The following PFKFB2 variants were observed in gnomAD, a reference collection of about 807,000 sequenced individuals.
The protein encoded by PFKFB2 is 6-phosphofructo-2-kinase/fructose-2,6-biphosphatase 2, also known as 6-phosphofructo-2-kinase/fructose-2,6-bisphosphatase 2.
A neutral mutation model predicts 68.0 loss-of-function variants in PFKFB2; 53 were observed. The ratio of observed to expected loss-of-function variants is 0.78; its 90% CI spans 0.63 to 0.98. The LOEUF (loss-of-function observed/expected upper bound fraction) is 0.98. Ranked by LOEUF, PFKFB2 falls within the 50% of genes least tolerant of loss-of-function variation. PFKFB2 has a pLI of 0.00. For missense variants in PFKFB2, 451 were observed against 642.0 expected, an observed-to-expected ratio of 0.70 and a Z score of 3.22; for synonymous variants, 222 against 227.6, an observed-to-expected ratio of 0.98 and a Z score of 0.22.
chr1:207,066,476 C>T (rs1019774088), intron 8 of PFKFB2, among the ~76,000 whole-genome samples: 7 of 152,194 alleles, frequency 4.6e-5, no homozygotes, highest in African/African-American at 1.7e-4. Flanking sequence ...AAAACCACCT[C>T]TAGATATGGC....
At chr1:207,061,165 T>TTATATATATATATATATA (rs201702529) in intron 2 of PFKFB2, among the ~76,000 whole-genome samples, 91 of 45,106 alleles carry the variant, frequency 2.0e-3, no homozygotes, top group Middle Eastern at 0.015. Context: ...ATATATATCT[T>TTATATATATATATATATA]TATATATATA....
At position 207,070,690 on chromosome 1, in the gene PFKFB2, C is replaced by T. The variant is rs1683439787; in HGVS notation, c.1222+281C>T. On this transcript the variant is annotated intron_variant, in intron 12 of 14. Coordinates refer to ENST00000367080, the MANE Select transcript of PFKFB2 (RefSeq NM_006212.2). This position sits in a 1 kb window ranked among gnomAD's most constrained non-coding sequence, Gnocchi z 4.2. ...GCTGACACTCCTGGCAGCATCAGGA[C>T]AGTGGTTGAATATTCCCAGCCTGCC... 2.7e-6 allele frequency: 1 copy of T among 376,690 alleles called. No individual in the cohort carries two copies. Among genetic ancestry groups the T allele is most frequent in the African/African-American group, 2.1e-5 (1 of 47,252 alleles). 23.3% of individuals were successfully genotyped at this position (376,690 alleles called of 1,614,324 possible).
chr1:207,070,898 T>G lies in PFKFB2; in HGVS notation c.1223-290T>G. ...GCTTGGAAGCTGTTGTGGTCAGACCTTATTGGCCTTTGCTGTACCCAGGTG... is the reference window on the plus strand; with the variant it reads ...GCTTGGAAGCTGTTGTGGTCAGACCGTATTGGCCTTTGCTGTACCCAGGTG... On this transcript the variant is annotated intron_variant, in intron 12 of 14. Coordinates refer to ENST00000367080, the MANE Select transcript of PFKFB2 (RefSeq NM_006212.2). The surrounding 1 kb of genome is among the most constrained non-coding windows in gnomAD (Gnocchi z 4.2). The G allele has an allele frequency of 5.4e-6, 2 of 367,626 alleles. No homozygotes were observed. Among genetic ancestry groups the G allele is most frequent in the Non-Finnish European group, 5.0e-6 (1 of 198,846 alleles). 22.8% of individuals were successfully genotyped at this position (367,626 alleles called of 1,614,324 possible). A position where few individuals can be genotyped will look rare whatever the true frequency, so the allele number is the denominator to read the frequency against.
At chr1:207,078,950 G>A (rs200666435), downstream of PFKFB2, 10 of 1,611,276 alleles carry the variant, frequency 6.2e-6, no homozygotes, top group Admixed American at 6.7e-5. Context: ...TCTCTGGCTC[G>A]TAGGCAGCAG....
intron 2 of PFKFB2, among the ~76,000 whole-genome samples, chr1:207,061,173 AT>A (rs1683100478): frequency 1.6e-5 from 1 of 64,136 alleles, no homozygotes; most frequent in Non-Finnish European, 2.9e-5. Flanking sequence ...CTTTATATAT[AT>A]ATATATATAT....
In PFKFB2 at chr1:207,062,609, G is replaced by A. The variant is rs2075863; in HGVS notation, c.212-11G>A. The stretch of plus-strand genomic sequence containing the variant: ...TATTTTGCTGCTGAAGGATTTGGGT[G>A]TCTTCTACAGTGTTTAATCTTGGGG... On this transcript the variant is annotated splice_polypyrimidine_tract_variant and intron_variant, in intron 3 of 14. Transcript: ENST00000367080. The A allele has an allele frequency of 0.38, 616,070 of 1,609,098 alleles. 122,757 individuals carry two copies. Among genetic ancestry groups the A allele is most frequent in the Middle Eastern group, 0.45 (2,726 of 6,032 alleles).
chr1:207,037,011 GT>G (rs1392095754), intron 1 of PFKFB2, among the ~76,000 whole-genome samples: 7 of 152,128 alleles, frequency 4.6e-5, no homozygotes, highest in Non-Finnish European at 1.0e-4. Context: ...TTTTACTGAA[GT>G]TTTGGGAGAG....
At position 207,076,653 on chromosome 1, in the gene PFKFB2, G is replaced by C. The variant is rs772932507; in HGVS notation, c.*4282G>C. ...GACTGACTGACAGACAGACTTTAGTGTCTGTGTGCTGACTGACAGACTCTA... is the reference window on the plus strand; with the variant it reads ...GACTGACTGACAGACAGACTTTAGTCTCTGTGTGCTGACTGACAGACTCTA... On this transcript the variant is annotated 3_prime_UTR_variant, in exon 15 of 15. Coordinates refer to ENST00000367080, the MANE Select transcript of PFKFB2 (RefSeq NM_006212.2). The C allele has an allele frequency of 1.3e-4, 126 of 983,324 alleles. No individual in the cohort carries two copies. In the Middle Eastern group the frequency reaches 6.3e-3, roughly 49 times the overall value. 60.9% of individuals were successfully genotyped at this position (983,324 alleles called of 1,614,324 possible).
At chr1:207,052,116 G>C (rs140542364), upstream of PFKFB2, 11,846 of 1,413,238 alleles carry the variant, frequency 8.4e-3, 70 homozygotes, top group Non-Finnish European at 9.6e-3. Flanking sequence ...CCAAGAGTGG[G>C]TTTATCAAGC....
chr1:207,063,566 G>A lies in PFKFB2; in HGVS notation c.450+145G>A. ...CAGAGCATTCCCCCAGTCCTTGAGTGTTTTCATTCAGGTCCTTTCTCAGAC... is the reference window on the plus strand; with the variant it reads ...CAGAGCATTCCCCCAGTCCTTGAGTATTTTCATTCAGGTCCTTTCTCAGAC... On this transcript the variant is annotated intron_variant, in intron 6 of 14. Transcript: ENST00000367080. The surrounding 1 kb of genome is among the most constrained non-coding windows in gnomAD (Gnocchi z 4.1). The A allele has an allele frequency of 2.6e-6, 2 of 755,646 alleles. No homozygotes were observed. Among genetic ancestry groups the A allele is most frequent in the Non-Finnish European group, 4.7e-6 (2 of 427,574 alleles). The allele number at this position is 755,646 out of a possible 1,614,324, so 46.8% of individuals were successfully genotyped here.
chr1:207,070,190 A>C lies in PFKFB2; in HGVS notation c.1093-90A>C. 1 of 1,484,762 alleles carries C rather than the reference A, an allele frequency of 6.7e-7. No homozygotes were observed. The highest frequency in any genetic ancestry group is 9.2e-7 in the Non-Finnish European group (1 of 1,086,040). The allele number at this position is 1,484,762 out of a possible 1,614,324, so 92.0% of individuals were successfully genotyped here. On this transcript the variant is annotated intron_variant, in intron 11 of 14. Transcript: ENST00000367080. The surrounding 1 kb of genome is among the most constrained non-coding windows in gnomAD (Gnocchi z 4.2). ...GGAGGAAAGCCAGCTGAGGAAGAAG[A>C]AGTGGCCCTTAGTCTCCAAGGTCCA...
rs1399820229 is a variant in PFKFB2, at chr1:207,070,937, G to C, written c.1223-251G>C. On this transcript the variant is annotated intron_variant, in intron 12 of 14. Transcript: ENST00000367080. The surrounding 1 kb of genome is among the most constrained non-coding windows in gnomAD (Gnocchi z 4.2). Reference sequence around the variant, plus strand: ...TGTACCCAGGTGACCCCCTTCCATTGGGCTCTCTGGCTACAATACTTCCTG... The same window carrying C: ...TGTACCCAGGTGACCCCCTTCCATTCGGCTCTCTGGCTACAATACTTCCTG... Among the ~76,000 whole-genome samples, 4 of 152,090 alleles carry C rather than the reference G, an allele frequency of 2.6e-5. No individual in the cohort carries two copies. The highest frequency in any genetic ancestry group is 4.8e-5 in the African/African-American group (2 of 41,404).
rs776799568 is a variant in PFKFB2 at position 207,075,064 on chromosome 1, C to A, written c.*2693C>A. 1.0e-5 allele frequency: 10 copies of A among 985,262 alleles called. No homozygotes were observed. Among genetic ancestry groups the A allele is most frequent in the Non-Finnish European group, 1.2e-5 (10 of 829,908 alleles). 61.0% of individuals were successfully genotyped at this position (985,262 alleles called of 1,614,324 possible). Reference sequence around the variant, plus strand: ...TGCTGTGAGGTAAGAGTAATTCAGACCTAATGAATGAGAAGAGGGAGCACT... The same window carrying A: ...TGCTGTGAGGTAAGAGTAATTCAGAACTAATGAATGAGAAGAGGGAGCACT... On this transcript the variant is annotated 3_prime_UTR_variant, in exon 15 of 15. Transcript: ENST00000367080.
intron 4 of PFKFB2, among the ~76,000 whole-genome samples, 170 bp from the exon 5 acceptor site, chr1:207,062,973 G>C (rs958456673): frequency 6.6e-6 from 1 of 152,198 alleles, no homozygotes; most frequent in Non-Finnish European, 1.5e-5. Context: ...GGGGTTATAG[G>C]ATGGTGTGAA....
At chr1:207,055,544 AT>A (rs1464714247) in intron 2 of PFKFB2, among the ~76,000 whole-genome samples, 2 of 151,716 alleles carry the variant, frequency 1.3e-5, no homozygotes, top group East Asian at 3.9e-4. Flanking sequence ...TTCCCCACAT[AT>A]TTTGGGGAAC....
At chr1:207,055,641 T>TTTTATATA (rs1491305182) in intron 2 of PFKFB2, among the ~76,000 whole-genome samples, 6 of 147,676 alleles carry the variant, frequency 4.1e-5, no homozygotes, top group African/African-American at 1.5e-4. Flanking sequence ...ACTTCAGTGG[T>TTTTATATA]TATATATATA....
intron 1 of PFKFB2, among the ~76,000 whole-genome samples, chr1:207,037,659 G>A (rs1158476004): frequency 6.6e-6 from 1 of 152,090 alleles, no homozygotes; most frequent in Non-Finnish European, 1.5e-5. Context: ...CCATGAATCA[G>A]TAAATGTCAC....
rs57077682 is a variant in PFKFB2 at position 207,042,549 on chromosome 1, C to CAAAAAAAAAAAAAAAAAAAAAAAAAA, written c.-18+344_-18+369dup. The stretch of plus-strand genomic sequence containing the variant: ...GGCGACACAGCAACACTCTGTCTCA[C>CAAAAAAAAAAAAAAAAAAAAAAAAAA]AAAAAAAAAAAAAAAAAAAAAAAAA... On this transcript the variant is annotated intron_variant, in intron 2 of 5. Transcript: ENST00000545806. 2.0e-4 allele frequency among the ~76,000 whole-genome samples: 9 copies of CAAAAAAAAAAAAAAAAAAAAAAAAAA among 44,716 alleles called. 1 individual carries two copies. The highest frequency in any genetic ancestry group is 2.5e-4 in the Non-Finnish European group (6 of 23,622). The allele number at this position is 44,716 out of a possible 152,430, so 29.3% of individuals were successfully genotyped here.
chr1:207,077,113 G>T lies in PFKFB2; in HGVS notation c.*4742G>T. 1 of 984,840 alleles carries T rather than the reference G, an allele frequency of 1.0e-6. No individual in the cohort carries two copies. Among genetic ancestry groups the T allele is most frequent in the Non-Finnish European group, 1.2e-6 (1 of 829,424 alleles). The allele number at this position is 984,840 out of a possible 1,614,324, so 61.0% of individuals were successfully genotyped here. A position where few individuals can be genotyped will look rare whatever the true frequency, so the allele number is the denominator to read the frequency against. On this transcript the variant is annotated 3_prime_UTR_variant, in exon 15 of 15. Coordinates refer to ENST00000367080, the MANE Select transcript of PFKFB2 (RefSeq NM_006212.2). ...CTAAGGGAATGCCTGTTCAGAGCCT[G>T]GAGTTGTTACCTTTACTTGAAGTCA...
Sources: allele counts gnomAD v4.1 joint callset (sites outside exome capture counted in the v4.1 genomes callset), GRCh38; gene constraint gnomAD v4.1.1; non-coding constraint Gnocchi (gnomAD v3.1); transcripts MANE v1.5; gene names NCBI Gene and HGNC (gene_info 2026-07-23, HGNC 2026-07-21).